Variants in ZC2HC1B observed in about 807,000 individuals in gnomAD.
The protein encoded by ZC2HC1B is zinc finger C2HC-type containing 1B.
A neutral mutation model predicts 31.0 loss-of-function variants in ZC2HC1B; 36 were observed. The observed-to-expected ratio is 1.16, with a 90% CI of 0.89 to 1.54. ZC2HC1B has a LOEUF of 1.54. ZC2HC1B is among the 40% of genes most tolerant of loss of function. ZC2HC1B has a pLI of 0.00. For missense variants in ZC2HC1B, 260 were observed against 268.6 expected, an observed-to-expected ratio of 0.97 and a Z score of 0.22; for synonymous variants, 73 against 88.0, an observed-to-expected ratio of 0.83 and a Z score of 0.95.
At position 143,883,184 on chromosome 6, in the gene ZC2HC1B, C is replaced by T. The variant is rs573884514; in HGVS notation, c.29-1120C>T. ...CCTCCTGAGTAGCTGGGACCACAGG[C>T]GCGAGCCACCAAGCCCAACTAATTT... On this transcript the variant is annotated intron_variant, in intron 1 of 7. Transcript: ENST00000237275. The surrounding 1 kb of genome is among the most constrained non-coding windows in gnomAD (Gnocchi z 4.1). Among the ~76,000 whole-genome samples the T allele has an allele frequency of 6.6e-5, 10 of 152,268 alleles. No homozygotes were observed. In the East Asian group the frequency reaches 1.4e-3, roughly 21 times the overall value.
rs956224991 is a variant in ZC2HC1B, at chr6:143,868,955, CAA to C, written c.28+4391_28+4392del. Among the ~76,000 whole-genome samples, 3 of 152,178 alleles carry C rather than the reference CAA, an allele frequency of 2.0e-5. No individual in the cohort carries two copies. The highest frequency in any genetic ancestry group is 2.9e-5 in the Non-Finnish European group (2 of 68,024). On this transcript the variant is annotated intron_variant, in intron 1 of 7. Coordinates refer to ENST00000237275, the MANE Select transcript of ZC2HC1B (RefSeq NM_001013623.3). This position sits in a 1 kb window ranked among gnomAD's most constrained non-coding sequence, Gnocchi z 4.2. ...TGTACATGCACAAACATGTTTTTAA[CAA>C]AAGAAGGAGGAAATACTAATGACAA...
chr6:143,865,208 T>C lies in ZC2HC1B; in HGVS notation c.28+641T>C, dbSNP rs1274214930. ...TTCTCTAAAAATCTATAAATGATGATTGGGAACTGAACATAAAAGCTCCAT... is the reference window on the plus strand; with the variant it reads ...TTCTCTAAAAATCTATAAATGATGACTGGGAACTGAACATAAAAGCTCCAT... On this transcript the variant is annotated intron_variant, in intron 1 of 7. Coordinates refer to ENST00000237275, the MANE Select transcript of ZC2HC1B (RefSeq NM_001013623.3). The surrounding 1 kb of genome is among the most constrained non-coding windows in gnomAD (Gnocchi z 4.4). Among the ~76,000 whole-genome samples the C allele has an allele frequency of 6.6e-6, 1 of 152,214 alleles. No homozygotes were observed.
At chr6:143,935,273 G>T (rs1778163202) in intron 6 of ZC2HC1B, among the ~76,000 whole-genome samples, 1 of 152,252 alleles carries the variant, frequency 6.6e-6, no homozygotes, top group East Asian at 1.9e-4. Flanking sequence ...GGCAGGGTGG[G>T]TTGATCCCCA....
intron 6 of ZC2HC1B, among the ~76,000 whole-genome samples, chr6:143,936,677 G>T (rs1394529953): frequency 6.6e-6 from 1 of 152,224 alleles, no homozygotes; most frequent in Non-Finnish European, 1.5e-5. Flanking sequence ...TGAGCATGTA[G>T]TTCTGGGATC....
intron 4 of ZC2HC1B, among the ~76,000 whole-genome samples, chr6:143,888,719 A>T (rs1476040677): frequency 6.6e-6 from 1 of 151,894 alleles, no homozygotes; most frequent in African/African-American, 2.4e-5. Context: ...AATATAATGG[A>T]TCTTTGTATG....
rs1777882716 is a variant in ZC2HC1B, at chr6:143,913,350, G to T, written c.598+10198G>T. ...CCAGAGTCCACAGGCTGGAATAGCT[G>T]AATTGACCAAACAGCAGAGGTGTTG... On this transcript the variant is annotated intron_variant, in intron 6 of 7. Coordinates refer to ENST00000237275, the MANE Select transcript of ZC2HC1B (RefSeq NM_001013623.3). The surrounding 1 kb of genome is among the most constrained non-coding windows in gnomAD (Gnocchi z 5.7). Among the ~76,000 whole-genome samples the T allele has an allele frequency of 6.6e-6, 1 of 152,210 alleles. No homozygotes were observed. The highest frequency in any genetic ancestry group is 2.4e-5 in the African/African-American group (1 of 41,460).
chr6:143,884,472 C>A lies in ZC2HC1B; in HGVS notation c.90+107C>A, dbSNP rs946646603. The A allele has an allele frequency of 2.0e-5, 21 of 1,076,344 alleles. No individual in the cohort carries two copies. The highest frequency in any genetic ancestry group is 2.8e-5 in the Non-Finnish European group (21 of 763,626). 66.7% of individuals were successfully genotyped at this position (1,076,344 alleles called of 1,614,324 possible). A position where few individuals can be genotyped will look rare whatever the true frequency, so the allele number is the denominator to read the frequency against. ...ATTAAAGACAGATGTGGAGGGGAAG[C>A]AAGGGAAGAGGAAAAGTACATAACC... On this transcript the variant is annotated intron_variant, in intron 2 of 7. Coordinates refer to ENST00000237275, the MANE Select transcript of ZC2HC1B (RefSeq NM_001013623.3). This position sits in a 1 kb window ranked among gnomAD's most constrained non-coding sequence, Gnocchi z 5.1.
chr6:143,916,899 CT>C (rs1160244770), intron 6 of ZC2HC1B, among the ~76,000 whole-genome samples: 1 of 152,180 alleles, frequency 6.6e-6, no homozygotes, highest in East Asian at 1.9e-4. Flanking sequence ...GGATTGTGGA[CT>C]TTTGCGTTAA....
At chr6:143,932,328 T>A (rs1437601185) in intron 6 of ZC2HC1B, among the ~76,000 whole-genome samples, 1 of 152,228 alleles carries the variant, frequency 6.6e-6, no homozygotes, top group East Asian at 1.9e-4. Flanking sequence ...ATCTCAAACT[T>A]CTTGGAGGCT....
rs765273942 is a variant in ZC2HC1B at position 143,886,199 on chromosome 6, T to A, written c.210+48T>A. ...TGTTTGTTATTACATTCTGCGGTAC[T>A]GTAAGGCCTATTTCTGGGATTTCTG... On this transcript the variant is annotated intron_variant, in intron 3 of 7. Coordinates refer to ENST00000237275, the MANE Select transcript of ZC2HC1B (RefSeq NM_001013623.3). This position sits in a 1 kb window ranked among gnomAD's most constrained non-coding sequence, Gnocchi z 4.2. 2 of 1,426,810 alleles carry A rather than the reference T, an allele frequency of 1.4e-6. No individual in the cohort carries two copies. Among genetic ancestry groups the A allele is most frequent in the Non-Finnish European group, 1.8e-6 (2 of 1,089,434 alleles). The allele number at this position is 1,426,810 out of a possible 1,614,324, so 88.4% of individuals were successfully genotyped here. A position where few individuals can be genotyped will look rare whatever the true frequency, so the allele number is the denominator to read the frequency against.
Position 143,918,922 on chromosome 6 carries a change from G to C in ZC2HC1B, c.598+15770G>C, listed in dbSNP as rs566753249. Among the ~76,000 whole-genome samples the C allele has an allele frequency of 6.6e-6, 1 of 151,896 alleles. No individual in the cohort carries two copies. Among genetic ancestry groups the C allele is most frequent in the Non-Finnish European group, 1.5e-5 (1 of 67,996 alleles). On this transcript the variant is annotated intron_variant, in intron 6 of 7. Coordinates refer to ENST00000237275, the MANE Select transcript of ZC2HC1B (RefSeq NM_001013623.3). The surrounding 1 kb of genome is among the most constrained non-coding windows in gnomAD (Gnocchi z 4.1). ...TGGTTTCTTTTCAGGATTTATCTTC[G>C]TGGATATTTCCATTTTGTTCATAGA...
At chr6:143,925,131 T>C (rs1459798378) in intron 6 of ZC2HC1B, among the ~76,000 whole-genome samples, 3 of 150,968 alleles carry the variant, frequency 2.0e-5, no homozygotes, top group African/African-American at 4.9e-5. Flanking sequence ...TTTTCTTTGT[T>C]GGGAGACTTT....
intron 5 of ZC2HC1B, among the ~76,000 whole-genome samples, chr6:143,902,178 T>A (rs1162024657): frequency 6.6e-6 from 1 of 152,214 alleles, no homozygotes; most frequent in Non-Finnish European, 1.5e-5. Flanking sequence ...GTTTCCTTTG[T>A]GCCAGCTTCA....
intron 6 of ZC2HC1B, among the ~76,000 whole-genome samples, chr6:143,904,122 G>A (rs910731338): frequency 2.0e-5 from 3 of 152,024 alleles, no homozygotes; most frequent in African/African-American, 7.2e-5. Flanking sequence ...GTGCTTATTG[G>A]TCATTTGTAT....
rs1777294263 is a variant in ZC2HC1B at position 143,868,373 on chromosome 6, T to A, written c.28+3806T>A. 6.6e-6 allele frequency among the ~76,000 whole-genome samples: 1 copy of A among 152,124 alleles called. No homozygotes were observed. The highest frequency in any genetic ancestry group is 6.5e-5 in the Admixed American group (1 of 15,270). ...AGGACAACCAGTACAGTGCCAAAAC[T>A]GAAGAACTTGGAGTTCAATGTTTGA... On this transcript the variant is annotated intron_variant, in intron 1 of 7. Coordinates refer to ENST00000237275, the MANE Select transcript of ZC2HC1B (RefSeq NM_001013623.3). This position sits in a 1 kb window ranked among gnomAD's most constrained non-coding sequence, Gnocchi z 4.2.
chr6:143,901,341 C>A (rs536483043), intron 5 of ZC2HC1B, among the ~76,000 whole-genome samples: 1 of 137,200 alleles, frequency 7.3e-6, no homozygotes, highest in East Asian at 2.3e-4. Context: ...CTCACTGCAA[C>A]CTCCGCCTCC....
At chr6:143,873,192 A>G (rs926974843) in intron 1 of ZC2HC1B, among the ~76,000 whole-genome samples, 4 of 152,354 alleles carry the variant, frequency 2.6e-5, no homozygotes, top group African/African-American at 9.6e-5. Context: ...CAAATGTGAA[A>G]TCCAGCAGGG....
intron 1 of ZC2HC1B, among the ~76,000 whole-genome samples, chr6:143,875,903 G>A (rs1777402692): frequency 6.6e-6 from 1 of 150,534 alleles, no homozygotes; most frequent in South Asian, 2.2e-4. Context: ...CACTGGGGAG[G>A]GGGAAGCTGT....
intron 6 of ZC2HC1B, among the ~76,000 whole-genome samples, chr6:143,929,314 G>A (rs1778089867): frequency 6.6e-6 from 1 of 152,114 alleles, no homozygotes; most frequent in Admixed American, 6.5e-5. Flanking sequence ...TTTATCAAAT[G>A]CTTTTTCTAA....
Sources: allele counts gnomAD v4.1 joint callset (sites outside exome capture counted in the v4.1 genomes callset), GRCh38; gene constraint gnomAD v4.1.1; non-coding constraint Gnocchi (gnomAD v3.1); transcripts MANE v1.5; gene names NCBI Gene and HGNC (gene_info 2026-07-23, HGNC 2026-07-21).